SLC39A10: variants seen among roughly 807,000 people sequenced by gnomAD.
SLC39A10 encodes the protein zinc transporter ZIP10.
SLC39A10 carries 13 observed loss-of-function variants against 65.1 expected under a neutral mutation model. The observed-to-expected ratio is 0.20, with a 90% CI of 0.13 to 0.32. The LOEUF is 0.32. SLC39A10 is among the 10% of genes least tolerant of loss of function. SLC39A10 has a pLI of 1.00. For missense variants in SLC39A10, 831 were observed against 1,018.4 expected (o/e 0.82, Z 2.50); for synonymous variants, 321 against 342.2 (o/e 0.94, Z 0.68).
chr2:195,732,819 A>G (rs990439845), intron 9 of SLC39A10, among the ~76,000 whole-genome samples: 2 of 152,188 alleles, frequency 1.3e-5, no homozygotes, highest in Admixed American at 1.3e-4. Context: ...TTCCTGGGAC[A>G]GCGCCTCTGC....
intron 1 of SLC39A10, among the ~76,000 whole-genome samples, chr2:195,662,698 G>T (rs1044948125): frequency 1.3e-5 from 2 of 151,768 alleles, no homozygotes; most frequent in Admixed American, 1.3e-4. Context: ...TAAAATAGTG[G>T]TTTCCCCTAT....
At chr2:195,649,732 T>C (rs1688993370) in intron 2 of SLC39A10, among the ~76,000 whole-genome samples, 2 of 152,218 alleles carry the variant, frequency 1.3e-5, no homozygotes, top group Admixed American at 1.3e-4. Context: ...TCTAATTCCT[T>C]TGGACTAGGA....
chr2:195,639,580 ATTTAT>A (rs1347502092), intron 2 of SLC39A10, among the ~76,000 whole-genome samples: 1 of 151,908 alleles, frequency 6.6e-6, no homozygotes, highest in Non-Finnish European at 1.5e-5. Context: ...GAATTCTTAT[ATTTAT>A]TTTATTTGAT....
At chr2:195,669,093 T>A (rs1240148845) in intron 1 of SLC39A10, among the ~76,000 whole-genome samples, 1 of 150,786 alleles carries the variant, frequency 6.6e-6, no homozygotes, top group African/African-American at 2.4e-5. Context: ...AAAAAAAAAT[T>A]ACTAAGTTGA....
intron 2 of SLC39A10, among the ~76,000 whole-genome samples, chr2:195,640,355 A>C (rs1380779059): frequency 6.8e-6 from 1 of 147,568 alleles, no homozygotes. Context: ...AAAAAAAAAA[A>C]ACCTTAAAAA....
intron 3 of SLC39A10, among the ~76,000 whole-genome samples, chr2:195,699,227 A>G (rs1322533405): frequency 6.6e-6 from 1 of 151,754 alleles, no homozygotes; most frequent in Non-Finnish European, 1.5e-5. Flanking sequence ...CAATTTTGTG[A>G]TCTTTTCCAA....
At chr2:195,645,983 C>CA (rs998285323) in intron 2 of SLC39A10, among the ~76,000 whole-genome samples, 14 of 151,672 alleles carry the variant, frequency 9.2e-5, no homozygotes, top group South Asian at 4.2e-4. Context: ...CACTCTGTGT[C>CA]AAAAAAAAGG....
chr2:195,670,557 A>G (rs1689818884), intron 1 of SLC39A10: 1 of 152,120 alleles, frequency 6.6e-6, no homozygotes, highest in Non-Finnish European at 1.5e-5. Flanking sequence ...ATATCTTTTT[A>G]TTACAAAAAT....
intron 3 of SLC39A10, among the ~76,000 whole-genome samples, chr2:195,691,213 T>C (rs1690728714): frequency 6.6e-6 from 1 of 152,038 alleles, no homozygotes; most frequent in Non-Finnish European, 1.5e-5. Context: ...TAGTATTCCA[T>C]GGTATATATG....
chr2:195,661,355 A>G (rs939044618), intron 1 of SLC39A10, among the ~76,000 whole-genome samples: 1 of 152,316 alleles, frequency 6.6e-6, no homozygotes, highest in Admixed American at 6.5e-5. Flanking sequence ...GCTTAAAAGT[A>G]TAGTAGGTAT....
In SLC39A10 at chr2:195,617,941, A is replaced by G. The variant is rs775394845; in HGVS notation, c.-12+11708A>G. On this transcript the variant is annotated intron_variant, in intron 2 of 2. Transcript: ENST00000458054. ...TTTTTAGTAGAGACGGGGTTTCACC[A>G]TGTTAGCCAGGATGGTCTCAATCTC... 3.1e-3 allele frequency among the ~76,000 whole-genome samples: 458 copies of G among 147,092 alleles called. 1 individual carries two copies. Among genetic ancestry groups the G allele is most frequent in the Non-Finnish European group, 4.4e-3 (290 of 66,602 alleles).
At chr2:195,637,194 A>G (rs1322374424) in intron 2 of SLC39A10, among the ~76,000 whole-genome samples, 7 of 152,340 alleles carry the variant, frequency 4.6e-5, no homozygotes, top group Middle Eastern at 3.4e-3. Flanking sequence ...TCTCAGGGAC[A>G]GAGGCCTCAC....
chr2:195,648,268 A>T (rs1467607673), intron 2 of SLC39A10, among the ~76,000 whole-genome samples: 2 of 150,966 alleles, frequency 1.3e-5, no homozygotes, highest in African/African-American at 4.9e-5. Context: ...CCTATGCTGG[A>T]ATTATAGGTG....
intron 9 of SLC39A10, among the ~76,000 whole-genome samples, chr2:195,729,255 T>G (rs1215400130): frequency 6.6e-6 from 1 of 152,204 alleles, no homozygotes; most frequent in Non-Finnish European, 1.5e-5. Flanking sequence ...GTGCTGGGAT[T>G]ACAAGTGTGA....
At position 195,670,106 on chromosome 2, in the gene SLC39A10, C is replaced by T. The variant is rs555953296; in HGVS notation, c.-11-9926C>T. On this transcript the variant is annotated intron_variant, in intron 1 of 9. Transcript: ENST00000359634. ...CCCTGGAGCTGGAGGTTGCAGTGAG[C>T]GGAGATCATGCCACTGCACTCCAGC... Among the ~76,000 whole-genome samples the T allele has an allele frequency of 2.3e-3, 345 of 152,194 alleles. 3 individuals are homozygous for T. The highest frequency in any genetic ancestry group is 7.9e-3 in the African/African-American group (329 of 41,518).
intron 1 of SLC39A10, among the ~76,000 whole-genome samples, chr2:195,669,885 G>C (rs370251660): frequency 5.9e-5 from 9 of 152,274 alleles, no homozygotes; most frequent in African/African-American, 2.2e-4. Context: ...TTTGAGCTGG[G>C]CGCTGTGACT....
chr2:195,624,142 T>C (rs898354171), intron 2 of SLC39A10, among the ~76,000 whole-genome samples: 1 of 151,882 alleles, frequency 6.6e-6, no homozygotes, highest in African/African-American at 2.4e-5. Context: ...TTCCGGCACT[T>C]TGGGAGGCCG....
chr2:195,697,237 C>T (rs952745614), intron 3 of SLC39A10, among the ~76,000 whole-genome samples: 3 of 151,984 alleles, frequency 2.0e-5, no homozygotes, highest in Non-Finnish European at 2.9e-5. Flanking sequence ...AGATTAAATG[C>T]AATTATTATG....
chr2:195,623,018 T>C (rs1688383747), intron 2 of SLC39A10, among the ~76,000 whole-genome samples: 1 of 148,360 alleles, frequency 6.7e-6, no homozygotes, highest in African/African-American at 2.5e-5. Flanking sequence ...ACATCATTCA[T>C]GTCTGGGCTT....
Sources: gnomAD v4.1 joint callset for allele counts (sites outside exome capture counted in the v4.1 genomes callset) on GRCh38, gnomAD v4.1.1 for gene constraint, MANE v1.5 for transcripts, NCBI Gene and HGNC (gene_info 2026-07-23, HGNC 2026-07-21) for gene names.